The following RYR1 variants were observed in gnomAD, a reference collection of about 807,000 sequenced individuals.
RYR1 encodes central core disease of muscle.
RYR1 carries 342 observed loss-of-function variants against 583.5 expected under a neutral mutation model. That is an observed-to-expected ratio of 0.59 (90% CI 0.54 to 0.64). The LOEUF (loss-of-function observed/expected upper bound fraction) is 0.64, where lower values mean the gene tolerates loss of function less well. RYR1 is among the 30% of genes least tolerant of loss of function. The pLI, the probability that RYR1 is intolerant of heterozygous loss-of-function variation, is 0.00. For missense variants in RYR1, 6,032 were observed against 6,917.2 expected, an observed-to-expected ratio of 0.87 and a Z score of 4.54; for synonymous variants, 2,791 against 2,822.5, an observed-to-expected ratio of 0.99 and a Z score of 0.35.
At chr19:38,491,320 AT>A (rs147074587) in intron 37 of RYR1, among the ~76,000 whole-genome samples, 2,146 of 152,114 alleles carry the variant, frequency 0.014, 57 homozygotes, top group African/African-American at 0.049. Flanking sequence ...ATTTTTGACA[AT>A]TATTTATTCA....
intron 1 of RYR1, among the ~76,000 whole-genome samples, chr19:38,439,502 T>A (rs962409951): frequency 6.6e-6 from 1 of 150,752 alleles, no homozygotes; most frequent in African/African-American, 2.4e-5. Context: ...CCCGGCTATT[T>A]TTGGTTTTGT....
intron 84 of RYR1, among the ~76,000 whole-genome samples, chr19:38,541,226 C>T (rs184042012): frequency 1.3e-5 from 2 of 152,274 alleles, no homozygotes; most frequent in Admixed American, 6.5e-5. Flanking sequence ...TTTTTAAAAG[C>T]CTCCTAGTTG....
rs116591968 is a variant in RYR1 at position 38,457,628 on chromosome 19, C to T, written c.1923C>T (p.Thr641=). 3 of 1,614,116 alleles carry T rather than the reference C, an allele frequency of 1.9e-6. No homozygotes were observed. In the South Asian group the frequency reaches 3.3e-5, roughly 18 times the overall value. ...LLQTNLINYV[T]SIRPNIFVGR... The stretch of plus-strand genomic sequence containing the variant: ...AGACAAACCTCATCAACTATGTCAC[C>T]AGGTCTGGCTCTCAACATCTGACCC... The change falls in exon 17 of 106, where the codon ACC becomes ACT. Residue 641 remains threonine, a splice_region_variant and synonymous_variant. Transcript: ENST00000359596.
intron 3 of RYR1, among the ~76,000 whole-genome samples, chr19:38,442,749 G>T (rs964783707): frequency 6.6e-6 from 1 of 152,186 alleles, no homozygotes; most frequent in Non-Finnish European, 1.5e-5. Flanking sequence ...GTCAGGGGCT[G>T]TGGAGCCCAG....
intron 20 of RYR1, 140 bp from the exon 21 acceptor site, chr19:38,463,283 T>TGGGGAGC: frequency 1.4e-6 from 1 of 702,732 alleles, no homozygotes; most frequent in Non-Finnish European, 2.6e-6. Context: ...AGGCGAGGGA[T>TGGGGAGC]GGGGAGCAGG....
In RYR1 at chr19:38,478,460, G is replaced by C. The variant is rs886054387; in HGVS notation, c.4480G>C (p.Val1494Leu). ...SSLKCSNCYM[V>L]WGGDFVSPGQ... is the part of the protein sequence containing the mutation. The stretch of plus-strand genomic sequence containing the variant: ...CCTCAAGTGTAGCAACTGCTACATG[G>C]TGTGGGGCGGAGACTTTGTGAGTCC... Residue 1494 changes from valine to leucine, a missense_variant, in exon 31 of 106, where the codon GTG becomes CTG. Physicochemically the swap from Val to Leu is conservative, Grantham distance 32. Around this residue, in one of 11 missense-constraint regions of RYR1, gnomAD observed 2,627 missense variants for 2,961.3 expected, o/e 0.89. Transcript: ENST00000359596. 4.3e-6 allele frequency: 7 copies of C among 1,613,980 alleles called. No homozygotes were observed. The highest frequency in any genetic ancestry group is 5.9e-6 in the Non-Finnish European group (7 of 1,180,040).
intron 5 of RYR1, 152 bp downstream of exon 5, chr19:38,443,948 A>G (rs1972817260): frequency 1.2e-6 from 1 of 839,362 alleles, no homozygotes; most frequent in Non-Finnish European, 2.0e-6. Context: ...CAGTCCAGAC[A>G]GGGAGACAGA....
rs770475379 is a variant in RYR1 at position 38,499,836 on chromosome 19, C to T, written c.7214+15C>T. The stretch of plus-strand genomic sequence containing the variant: ...CGGCGCGAGCAGTGAGTCTCCCGGC[C>T]CCCTCCTCAATAGGGCAACCCGCCC... On this transcript the variant is annotated intron_variant, in intron 44 of 105. Coordinates refer to ENST00000359596, the MANE Select transcript of RYR1 (RefSeq NM_000540.3). This position sits in a 1 kb window ranked among gnomAD's most constrained non-coding sequence, Gnocchi z 7.3. 6.2e-7 allele frequency: 1 copy of T among 1,610,008 alleles called. No individual in the cohort carries two copies. Among genetic ancestry groups the T allele is most frequent in the East Asian group, 2.2e-5 (1 of 44,870 alleles).
chr19:38,513,399 A>C (rs1352699571), intron 63 of RYR1, among the ~76,000 whole-genome samples: 1 of 152,136 alleles, frequency 6.6e-6, no homozygotes, highest in African/African-American at 2.4e-5. Flanking sequence ...TAATTCCAGC[A>C]CTTTGGGAGG....
rs34694816 is a variant in RYR1, at chr19:38,473,635, A to G, written c.4024A>G (p.Ser1342Gly). The change falls in exon 28 of 106, where the codon AGC (serine) becomes GGC (glycine). Residue 1342 changes from serine (S) to glycine (G), a missense_variant. Physicochemically the swap from Ser to Gly is moderately conservative, Grantham distance 56. Around this residue, in one of 11 missense-constraint regions of RYR1, gnomAD observed 2,627 missense variants for 2,961.3 expected, o/e 0.89. Coordinates refer to ENST00000359596, the MANE Select transcript of RYR1 (RefSeq NM_000540.3). ...CCTGCGCCGCTCAGCTGGGGGCTGG[A>G]GCGAGGCAGAGAACGGCAAAGAAGG... is the stretch of plus-strand genomic sequence containing the variant. ...ENLRRSAGGW[S>G]EAENGKEGTA... 8.7e-3 allele frequency: 13,533 copies of G among 1,560,538 alleles called. 933 individuals carry two copies. In the African/African-American group the frequency reaches 0.16, roughly 18 times the overall value.
At chr19:38,457,368 T>A in intron 16 of RYR1, 129 bp from the exon 17 acceptor site, 2 of 1,303,110 alleles carry the variant, frequency 1.5e-6, no homozygotes, top group Non-Finnish European at 2.2e-6. Context: ...CCACCTCCTC[T>A]CAGTCAAAAT....
At position 38,452,568 on chromosome 19, in the gene RYR1, G is replaced by GCCTGGAC. The variant is rs1323732575; in HGVS notation, c.1245-242_1245-236dup. On this transcript the variant is annotated intron_variant, in intron 12 of 105. Transcript: ENST00000359596. ...AACTTTCACACCCCTGACACCCAGA[G>GCCTGGAC]CCTGGACCCTGGACCTCTCCATCCC... Among the ~76,000 whole-genome samples the GCCTGGAC allele has an allele frequency of 2.6e-5, 4 of 152,242 alleles. No individual in the cohort carries two copies. In the East Asian group the frequency reaches 7.7e-4, roughly 29 times the overall value.
intron 96 of RYR1, among the ~76,000 whole-genome samples, chr19:38,575,052 A>C (rs960128569): frequency 3.3e-4 from 50 of 151,948 alleles, no homozygotes; most frequent in Non-Finnish European, 7.1e-4. Flanking sequence ...AAAAAAAAAA[A>C]AAAAACTCGT....
At position 38,578,125 on chromosome 19, in the gene RYR1, C is replaced by A. The variant is rs930971372; in HGVS notation, c.14304-19C>A. 3 of 1,605,454 alleles carry A rather than the reference C, an allele frequency of 1.9e-6. No homozygotes were observed. In the African/African-American group the frequency reaches 4.0e-5, roughly 21 times the overall value. On this transcript the variant is annotated intron_variant, in intron 98 of 105. Transcript: ENST00000359596. Reference sequence around the variant, plus strand: ...GGAGTCTGACACTCAAGCATCTCTCCCCACCCCCGCCCCCACAGGCTCATG... The same window carrying A: ...GGAGTCTGACACTCAAGCATCTCTCACCACCCCCGCCCCCACAGGCTCATG...
At chr19:38,546,976 C>T (rs1157521610) in intron 88 of RYR1, among the ~76,000 whole-genome samples, 3 of 150,388 alleles carry the variant, frequency 2.0e-5, no homozygotes, top group African/African-American at 7.3e-5. Context: ...CAAAAACAAA[C>T]CAAATGTCCA....
intron 31 of RYR1, among the ~76,000 whole-genome samples, chr19:38,479,266 C>T (rs1238240421): frequency 6.6e-6 from 1 of 152,182 alleles, no homozygotes; most frequent in Non-Finnish European, 1.5e-5. Flanking sequence ...ACACCCTGTA[C>T]CCACCACCTG....
At position 38,444,535 on chromosome 19, in the gene RYR1, C is replaced by G. The variant is rs189845935; in HGVS notation, c.538-49C>G. ...TTCTGGCCTCTGACGCTGGGACTCT[C>G]GCCCACCCCTGCAATCGTCTCTGAC... On this transcript the variant is annotated intron_variant, in intron 6 of 105. Coordinates refer to ENST00000359596, the MANE Select transcript of RYR1 (RefSeq NM_000540.3). The surrounding 1 kb of genome is among the most constrained non-coding windows in gnomAD (Gnocchi z 5.1). 6.5e-7 allele frequency: 1 copy of G among 1,535,110 alleles called. No individual in the cohort carries two copies. The highest frequency in any genetic ancestry group is 9.0e-7 in the Non-Finnish European group (1 of 1,115,468).
intron 11 of RYR1, among the ~76,000 whole-genome samples, chr19:38,449,530 A>G (rs979761880): frequency 7.9e-5 from 12 of 152,202 alleles, no homozygotes; most frequent in African/African-American, 2.9e-4. Context: ...ATAATGACCA[A>G]CTGAGAATAA....
intron 93 of RYR1, among the ~76,000 whole-genome samples, chr19:38,569,109 C>G (rs562901544): frequency 3.8e-4 from 58 of 152,024 alleles, no homozygotes; most frequent in African/African-American, 1.3e-3. Context: ...CTCCTGGGTT[C>G]ACGCCATTCT....
Sources: gnomAD v4.1 joint callset for allele counts (sites outside exome capture counted in the v4.1 genomes callset) on GRCh38, gnomAD v4.1.1 for gene constraint, gnomAD v4.1.1 regional missense constraint, Gnocchi (gnomAD v3.1) non-coding constraint, MANE v1.5 for transcripts, NCBI Gene and HGNC (gene_info 2026-07-23, HGNC 2026-07-21) for gene names.